TRIM2: variants seen among roughly 807,000 people sequenced by gnomAD.
TRIM2 encodes the protein tripartite motif containing 2.
TRIM2 carries 20 observed loss-of-function variants against 75.2 expected under a neutral mutation model. The observed-to-expected ratio is 0.27, with a 90% CI of 0.19 to 0.39. TRIM2 has a LOEUF of 0.39. Ranked by LOEUF, TRIM2 falls within the 10% of genes least tolerant of loss-of-function variation. TRIM2 has a pLI of 1.00. For missense variants in TRIM2, 660 were observed against 990.8 expected (o/e 0.67, Z 4.48); for synonymous variants, 373 against 388.3 (o/e 0.96, Z 0.46).
chr4:153,290,386 A>G (rs1761595015), intron 3 of TRIM2, among the ~76,000 whole-genome samples: 1 of 152,192 alleles, frequency 6.6e-6, no homozygotes, highest in Non-Finnish European at 1.5e-5. Flanking sequence ...AATATGGTAA[A>G]ATACACAAAT....
intron 10 of TRIM2, 124 bp downstream of exon 10, chr4:153,324,272 T>C (rs1388644639): frequency 1.3e-6 from 1 of 743,562 alleles, no homozygotes; most frequent in Non-Finnish European, 2.1e-6. Context: ...GTAGACTTTG[T>C]TCTGCTCAAA....
intron 3 of TRIM2, 186 bp downstream of exon 3, chr4:153,276,316 G>A (rs1305436717): frequency 2.0e-5 from 12 of 604,580 alleles, no homozygotes; most frequent in East Asian, 5.5e-5. Context: ...TTTAAATAAC[G>A]AAATCAATCT....
chr4:153,304,096 A>C (rs1056012959), intron 6 of TRIM2, among the ~76,000 whole-genome samples: 3 of 151,982 alleles, frequency 2.0e-5, no homozygotes, highest in African/African-American at 4.8e-5. Context: ...AGGTTCCTAG[A>C]GATGACTTTT....
intron 1 of TRIM2, among the ~76,000 whole-genome samples, chr4:153,186,804 T>C (rs2149649319): frequency 6.6e-6 from 1 of 152,168 alleles, no homozygotes. Context: ...CCTTAAGAAA[T>C]GACCAGAGGG....
chr4:153,304,328 C>T (rs1343690476), intron 6 of TRIM2, among the ~76,000 whole-genome samples: 2 of 151,862 alleles, frequency 1.3e-5, no homozygotes, highest in Non-Finnish European at 2.9e-5. Flanking sequence ...TGGCCAGGCT[C>T]GTCTTGAACT....
At chr4:153,307,933 T>G in intron 6 of TRIM2, 1 of 754,912 alleles carries the variant, frequency 1.3e-6, no homozygotes. Context: ...ATGCCCATTA[T>G]GGAGTCGTAC....
chr4:153,284,329 T>C (rs1298648798), intron 3 of TRIM2, among the ~76,000 whole-genome samples: 3 of 152,040 alleles, frequency 2.0e-5, no homozygotes, highest in African/African-American at 7.3e-5. Flanking sequence ...GCCTCCTGAG[T>C]AGCTGGCATT....
chr4:153,244,383 T>TCTTCTTCTTCTTCTC (rs1748213973), intron 1 of TRIM2, among the ~76,000 whole-genome samples: 1 of 70,576 alleles, frequency 1.4e-5, no homozygotes, highest in Non-Finnish European at 2.4e-5. Flanking sequence ...TTCTTCTTCT[T>TCTTCTTCTTCTTCTC]CTTCTTCTTC....
chr4:153,212,021 G>A (rs1211909282), intron 1 of TRIM2, among the ~76,000 whole-genome samples: 3 of 152,084 alleles, frequency 2.0e-5, no homozygotes, highest in African/African-American at 7.2e-5. Flanking sequence ...ACTCAGTGAG[G>A]AGGAAGTGCT....
At chr4:153,233,756 AT>A (rs893307400) in intron 1 of TRIM2, among the ~76,000 whole-genome samples, 5 of 152,164 alleles carry the variant, frequency 3.3e-5, no homozygotes, top group African/African-American at 9.7e-5. Flanking sequence ...AGAAGGAAGG[AT>A]GGATGCATAC....
chr4:153,277,042 T>C (rs965639994), intron 3 of TRIM2, among the ~76,000 whole-genome samples: 2 of 152,210 alleles, frequency 1.3e-5, no homozygotes, highest in African/African-American at 4.8e-5. Flanking sequence ...GGCCCAGGTA[T>C]AACAAAACCA....
chr4:153,245,455 G>A (rs371074805), intron 1 of TRIM2, among the ~76,000 whole-genome samples: 9 of 152,202 alleles, frequency 5.9e-5, no homozygotes, highest in African/African-American at 9.7e-5. Context: ...GAGCAGGGGC[G>A]GGCAAACTAT....
At chr4:153,201,725 A>T (rs6814471), upstream of TRIM2, among the ~76,000 whole-genome samples, 27,517 of 152,094 alleles carry the variant, frequency 0.18, 3,038 homozygotes, top group African/African-American at 0.3. Flanking sequence ...GAAAAAATTT[A>T]AAATTTTAAC....
rs1242367743 is a variant in TRIM2, at chr4:153,276,048, A to G, written c.371A>G (p.Asn124Ser). 1 of 1,614,080 alleles carries G rather than the reference A, an allele frequency of 6.2e-7. No individual in the cohort carries two copies. The highest frequency in any genetic ancestry group is 8.5e-7 in the Non-Finnish European group (1 of 1,180,044). The stretch of plus-strand genomic sequence containing the variant: ...GTGCTGCAGCGAACTCCAGGCAGCA[A>G]CGCTGAGGAGTCTTCCATCCTGGAG... ...MDVLQRTPGSNAEESSILETV... is the reference protein window; with the variant it reads ...MDVLQRTPGSSAEESSILETV... Residue 124 changes from asparagine (N) to serine (S), a missense_variant, in exon 3 of 12, where the codon AAC becomes AGC. By Grantham distance (46) the Asn-to-Ser change is conservative (BLOSUM62 1). This residue lies in a region of TRIM2 where 620 missense variants were observed against 891.0 expected (regional missense o/e 0.70). Coordinates refer to ENST00000338700, the MANE Select transcript of TRIM2 (RefSeq NM_015271.5).
At chr4:153,189,011 T>TA (rs199933909) in intron 1 of TRIM2, among the ~76,000 whole-genome samples, 558 of 146,082 alleles carry the variant, frequency 3.8e-3, no homozygotes, top group African/African-American at 7.6e-3. Flanking sequence ...TTTCTTTCTT[T>TA]AAAAAAAAAA....
chr4:153,325,437 G>A (rs1769962195), intron 10 of TRIM2, among the ~76,000 whole-genome samples: 1 of 152,212 alleles, frequency 6.6e-6, no homozygotes, highest in Non-Finnish European at 1.5e-5. Flanking sequence ...TCCATGGGAA[G>A]TGTCTTGGTA....
chr4:153,247,782 G>A (rs1749666946), intron 1 of TRIM2, among the ~76,000 whole-genome samples: 1 of 151,446 alleles, frequency 6.6e-6, no homozygotes, highest in Admixed American at 6.6e-5. Context: ...CTTATGAAAA[G>A]GTGATGAAGT....
chr4:153,202,589 C>T (rs529515436), upstream of TRIM2, among the ~76,000 whole-genome samples: 16 of 151,874 alleles, frequency 1.1e-4, no homozygotes, highest in Admixed American at 2.0e-4. Context: ...GTCCCAGCTA[C>T]TCGGGAGTCT....
chr4:153,200,965 T>G (rs184765038), upstream of TRIM2, among the ~76,000 whole-genome samples: 2,124 of 151,832 alleles, frequency 0.014, 57 homozygotes, highest in African/African-American at 0.048. Context: ...TTTGGTTTTT[T>G]GGGTTTTTTT....
Sources: allele counts gnomAD v4.1 joint callset (sites outside exome capture counted in the v4.1 genomes callset), GRCh38; gene constraint gnomAD v4.1.1; regional missense constraint gnomAD v4.1.1; transcripts MANE v1.5; gene names NCBI Gene and HGNC (gene_info 2026-07-23, HGNC 2026-07-21).